The following MYH11 variants were observed in gnomAD, a reference collection of about 807,000 sequenced individuals.
MYH11 encodes the protein myosin heavy chain 11, also known as myosin-11.
MYH11 carries 80 observed loss-of-function variants against 246.6 expected under a neutral mutation model. The ratio of observed to expected loss-of-function variants is 0.32; its 90% CI spans 0.27 to 0.39. The LOEUF (loss-of-function observed/expected upper bound fraction) is 0.39. Among genes scored for constraint, MYH11 ranks in the 10% least tolerant of loss-of-function variants. MYH11 has a pLI of 1.00. For missense variants in MYH11, 2,158 were observed against 2,546.8 expected, an observed-to-expected ratio of 0.85 and a Z score of 3.29; for synonymous variants, 1,071 against 1,015.5, an observed-to-expected ratio of 1.05 and a Z score of -1.04.
chr16:15,825,471 T>C (rs1364141923), intron 2 of MYH11, among the ~76,000 whole-genome samples: 1 of 151,832 alleles, frequency 6.6e-6, no homozygotes, highest in African/African-American at 2.4e-5. Flanking sequence ...TCAGGAGGAT[T>C]GCTTGATCCC....
chr16:15,850,012 T>C lies in MYH11; in HGVS notation c.-18+6929A>G, dbSNP rs192579156. Among the ~76,000 whole-genome samples the C allele has an allele frequency of 2.6e-5, 4 of 152,314 alleles. No individual in the cohort carries two copies. The East Asian group carries it at 5.8e-4, about 22-fold the overall frequency. ...AACTGAGAATGTCAGGTTGCTTTAG[T>C]TTGTTTTACCATCAGTTTCATTTTT... On this transcript the variant is annotated intron_variant, in intron 1 of 40. Coordinates refer to ENST00000300036, the MANE Select transcript of MYH11 (RefSeq NM_002474.3).
At chr16:15,800,594 G>GAGTT (rs1376921848) in intron 3 of MYH11, among the ~76,000 whole-genome samples, 1 of 138,464 alleles carries the variant, frequency 7.2e-6, no homozygotes, top group Non-Finnish European at 1.6e-5. Context: ...GCCGGTAAAT[G>GAGTT]AGTTGGATGG....
rs1015353331 is a variant in MYH11, at chr16:15,838,092, T to C, written c.161A>G (p.Lys54Arg). The C allele has an allele frequency of 6.8e-6, 11 of 1,613,904 alleles. No homozygotes were observed. Among genetic ancestry groups the C allele is most frequent in the Non-Finnish European group, 9.3e-6 (11 of 1,180,008 alleles). ...CAGCTCCACAACCACCTCATCCCCC[T>C]TCTCCTCCTTAATGCTGGCTGCCTC... ...GFEAASIKEE[K>R]GDEVVVELVE... Residue 54 changes from lysine to arginine, a missense_variant, in exon 2 of 41, where the codon AAG becomes AGG. Coordinates refer to ENST00000300036, the MANE Select transcript of MYH11 (RefSeq NM_002474.3).
chr16:15,771,474 G>A, intron 9 of MYH11, 95 bp downstream of exon 9: 2 of 1,091,876 alleles, frequency 1.8e-6, no homozygotes, highest in Non-Finnish European at 2.6e-6. Context: ...GGGGAATTCA[G>A]AGAGCAGAAA....
chr16:15,846,810 C>T lies in MYH11; in HGVS notation c.-17-8541G>A, dbSNP rs748502023. Among the ~76,000 whole-genome samples, 35 of 152,194 alleles carry T rather than the reference C, an allele frequency of 2.3e-4. 1 individual carries two copies. Among genetic ancestry groups the T allele is most frequent in the Non-Finnish European group, 2.4e-4 (16 of 68,016 alleles). ...CTCTAGCAAACATACAAAAATTAAC[C>T]GGTTGTGATAGTGTGCACCTGCAGT... On this transcript the variant is annotated intron_variant, in intron 1 of 40. Coordinates refer to ENST00000300036, the MANE Select transcript of MYH11 (RefSeq NM_002474.3).
At chr16:15,704,924 C>G (rs978484100) in intron 40 of MYH11, among the ~76,000 whole-genome samples, 4 of 152,176 alleles carry the variant, frequency 2.6e-5, no homozygotes, top group African/African-American at 9.7e-5. Context: ...AGCAGTTCTC[C>G]TACCTTGGCC....
chr16:15,756,729 C>G (rs2041727445), intron 13 of MYH11, among the ~76,000 whole-genome samples: 1 of 151,184 alleles, frequency 6.6e-6, no homozygotes, highest in Non-Finnish European at 1.5e-5. Context: ...GAAGGCAGAA[C>G]ATAATGTTTG....
At chr16:15,726,742 C>A in intron 28 of MYH11, 106 bp downstream of exon 28, 2 of 1,336,368 alleles carry the variant, frequency 1.5e-6, no homozygotes, top group Non-Finnish European at 1.1e-6. Context: ...GAGGAAAGGA[C>A]TTGCCTTGCA....
chr16:15,776,256 A>G (rs2151296245), intron 7 of MYH11, 80 bp from the exon 8 acceptor site: 4 of 935,680 alleles, frequency 4.3e-6, no homozygotes, highest in Non-Finnish European at 7.1e-6. Context: ...GTCACACCCA[A>G]TTCACATGGG....
In MYH11 at chr16:15,720,878, G is replaced by A. The variant is rs759031841; in HGVS notation, c.4752C>T (p.Asp1584=). Residue 1584 remains aspartate, a synonymous_variant, in exon 33 of 41, where the codon GAC becomes GAT. Coordinates refer to ENST00000300036, the MANE Select transcript of MYH11 (RefSeq NM_002474.3). ...GCCTCCTCTTCTCCTCATTCTGCTC[G>A]TCCCGGGCTTGGAGATCCCTTTCGA... ...GQFERDLQAR[D]EQNEEKRRQL... 11 of 1,613,942 alleles carry A rather than the reference G, an allele frequency of 6.8e-6. No individual in the cohort carries two copies. Among genetic ancestry groups the A allele is most frequent in the East Asian group, 4.5e-5 (2 of 44,844 alleles).
At chr16:15,841,613 T>C (rs1483486032) in intron 1 of MYH11, among the ~76,000 whole-genome samples, 1 of 152,174 alleles carries the variant, frequency 6.6e-6, no homozygotes, top group Non-Finnish European at 1.5e-5. Context: ...CCATGGATGG[T>C]AGATTCACGT....
At chr16:15,723,210 CA>C (rs1236543487) in intron 31 of MYH11, among the ~76,000 whole-genome samples, 1 of 151,986 alleles carries the variant, frequency 6.6e-6, no homozygotes, top group African/African-American at 2.4e-5. Context: ...AGTTTTACCC[CA>C]AAAGAAGCAA....
chr16:15,741,773 T>C lies in MYH11; in HGVS notation c.2639A>G (p.Gln880Arg), dbSNP rs1567718800. 1 of 1,614,226 alleles carries C rather than the reference T, an allele frequency of 6.2e-7. No homozygotes were observed. Among genetic ancestry groups the C allele is most frequent in the Non-Finnish European group, 8.5e-7 (1 of 1,180,040 alleles). Reference sequence around the variant, plus strand: ...CCATACAGGTACCTGCGAGTGCTTCTGTTCCAGCTCCTTAAGCTCATTCTC... The same window carrying C: ...CCATACAGGTACCTGCGAGTGCTTCCGTTCCAGCTCCTTAAGCTCATTCTC... ...KAENELKELEQKHSQLTEEKN... is the reference protein window; with the variant it reads ...KAENELKELERKHSQLTEEKN... Residue 880 changes from glutamine to arginine, a missense_variant, in exon 21 of 41, where the codon CAG (glutamine) becomes CGG (arginine). Gln to Arg is a conservative substitution (Grantham distance 43). Transcript: ENST00000300036.
Position 15,740,338 on chromosome 16 carries a change from T to C in MYH11, c.2860-150A>G, listed in dbSNP as rs1332180803. ...GGAAGAAATAAAGGCCTGAGCGTGG[T>C]GGCTCACACCTGTAATCCCAGCACT... On this transcript the variant is annotated intron_variant, in intron 22 of 40. Transcript: ENST00000300036. 3.2e-6 allele frequency: 4 copies of C among 1,247,186 alleles called. No individual in the cohort carries two copies. In the Admixed American group the frequency reaches 6.1e-5, roughly 19 times the overall value. 77.3% of individuals were successfully genotyped at this position (1,247,186 alleles called of 1,614,324 possible). A position where few individuals can be genotyped will look rare whatever the true frequency, so the allele number is the denominator to read the frequency against.
intron 3 of MYH11, among the ~76,000 whole-genome samples, chr16:15,801,141 C>T (rs1391930704): frequency 1.3e-5 from 2 of 151,972 alleles, no homozygotes; most frequent in African/African-American, 2.4e-5. Flanking sequence ...AGGAGGCGGA[C>T]GTTGCAGTGA....
chr16:15,768,920 C>T (rs1216352940), intron 9 of MYH11, among the ~76,000 whole-genome samples: 5 of 150,316 alleles, frequency 3.3e-5, no homozygotes, highest in East Asian at 3.9e-4. Context: ...CCAAGGTGGG[C>T]TGATTGTTTG....
Position 15,819,812 on chromosome 16 carries a change from G to T in MYH11, c.502+3443C>A, listed in dbSNP as rs574407955. 6.6e-5 allele frequency among the ~76,000 whole-genome samples: 10 copies of T among 152,240 alleles called. No individual in the cohort carries two copies. The East Asian group carries it at 1.7e-3, about 26-fold the overall frequency. ...TGAAACTGGTCCCTGGTGTCAAAAA[G>T]GTTGGGGACTGCTGGTCTAGGAAAG... On this transcript the variant is annotated intron_variant, in intron 3 of 40. Transcript: ENST00000300036.
rs183405989 is a variant in MYH11, at chr16:15,780,135, G to A, written c.727-1292C>T. On this transcript the variant is annotated intron_variant, in intron 6 of 40. Transcript: ENST00000300036. ...ATGTTTTTAGGGATTTGTCTTGCAC[G>A]TGCTTCCATTTATGACAGGCTAGAA... Among the ~76,000 whole-genome samples the A allele has an allele frequency of 3.0e-4, 45 of 152,298 alleles. 1 individual carries two copies. The East Asian group carries it at 8.1e-3, about 27-fold the overall frequency.
chr16:15,778,657 T>C, intron 7 of MYH11, 123 bp downstream of exon 7: 2 of 991,882 alleles, frequency 2.0e-6, no homozygotes, highest in Non-Finnish European at 3.2e-6. Flanking sequence ...AGGGGAGATT[T>C]GTTCTGGAAG....
Sources: allele counts gnomAD v4.1 joint callset (sites outside exome capture counted in the v4.1 genomes callset), GRCh38; gene constraint gnomAD v4.1.1; transcripts MANE v1.5; gene names NCBI Gene and HGNC (gene_info 2026-07-23, HGNC 2026-07-21).